ABCB1: variants seen among roughly 807,000 people sequenced by gnomAD.
ABCB1 encodes the protein ATP-dependent translocase ABCB1.
A neutral mutation model predicts 142.0 loss-of-function variants in ABCB1; 69 were observed. The observed-to-expected ratio is 0.49, with a 90% CI of 0.40 to 0.59. ABCB1 has a LOEUF of 0.59. Ranked by LOEUF, ABCB1 falls within the 20% of genes least tolerant of loss-of-function variation. ABCB1 has a pLI of 0.00. For missense variants in ABCB1, 1,326 were observed against 1,554.7 expected, an observed-to-expected ratio of 0.85 and a Z score of 2.47; for synonymous variants, 532 against 539.2, an observed-to-expected ratio of 0.99 and a Z score of 0.18.
intron 3 of ABCB1, among the ~76,000 whole-genome samples, chr7:87,592,339 AAAG>A (rs1819031194): frequency 1.3e-5 from 2 of 152,208 alleles, no homozygotes; most frequent in African/African-American, 4.8e-5. Flanking sequence ...TCATAACTGG[AAAG>A]AAGGAGGAGG....
At chr7:87,694,971 G>C (rs762489806) in intron 1 of ABCB1, among the ~76,000 whole-genome samples, 1 of 152,094 alleles carries the variant, frequency 6.6e-6, no homozygotes, top group Non-Finnish European at 1.5e-5. Context: ...TAGTGAACTA[G>C]ACATTACATT....
chr7:87,608,777 T>A (rs1819749205), intron 1 of ABCB1, among the ~76,000 whole-genome samples: 1 of 152,226 alleles, frequency 6.6e-6, no homozygotes, highest in Non-Finnish European at 1.5e-5. Context: ...ACTCACTTAT[T>A]TCTTTAGAAC....
chr7:87,517,984 G>T (rs1181622401), intron 23 of ABCB1, among the ~76,000 whole-genome samples: 1 of 152,114 alleles, frequency 6.6e-6, no homozygotes, highest in South Asian at 2.1e-4. Flanking sequence ...TTGAAATATT[G>T]CTAAAAACTC....
At chr7:87,511,246 T>C (rs1814993759) in intron 25 of ABCB1, among the ~76,000 whole-genome samples, 2 of 152,168 alleles carry the variant, frequency 1.3e-5, no homozygotes, top group Non-Finnish European at 2.9e-5. Flanking sequence ...AGAGCTTCTT[T>C]GGCTGAGGAA....
rs761144202 is a variant in ABCB1 at position 87,561,245 on chromosome 7, TA to T, written c.827+17del. ...ACAGAATTTAACATATCTATCCATT[TA>T]AAAAAGAAACTCAAACCTTTCAAGT... is the stretch of plus-strand genomic sequence containing the variant. On this transcript the variant is annotated intron_variant, in intron 8 of 27. Coordinates refer to ENST00000622132, the MANE Select transcript of ABCB1 (RefSeq NM_001348946.2). The T allele has an allele frequency of 6.2e-7, 1 of 1,613,408 alleles. No individual in the cohort carries two copies. Among genetic ancestry groups the T allele is most frequent in the Non-Finnish European group, 8.5e-7 (1 of 1,179,698 alleles).
chr7:87,523,500 A>G (rs1341043834), intron 21 of ABCB1, among the ~76,000 whole-genome samples: 1 of 152,116 alleles, frequency 6.6e-6, no homozygotes, highest in South Asian at 2.1e-4. Flanking sequence ...ATGGTGGCAC[A>G]TGCCTTAATC....
intron 4 of ABCB1, among the ~76,000 whole-genome samples, chr7:87,577,024 A>G (rs1818298100): frequency 6.6e-6 from 1 of 152,052 alleles, no homozygotes; most frequent in African/African-American, 2.4e-5. Context: ...AGCTAACTAT[A>G]TATTTTTGTA....
chr7:87,560,109 C>T (rs1206209157), intron 8 of ABCB1, among the ~76,000 whole-genome samples: 1 of 152,124 alleles, frequency 6.6e-6, no homozygotes, highest in Non-Finnish European at 1.5e-5. Context: ...TGTAACCTTA[C>T]CACCCCCATT....
intron 21 of ABCB1, among the ~76,000 whole-genome samples, chr7:87,530,826 AAAGCAAGAAAGC>A (rs1280486795): frequency 2.9e-3 from 215 of 74,204 alleles, no homozygotes; most frequent in African/African-American, 9.0e-3. Context: ...AGAAAGCAAG[AAAGCAAGAAAGC>A]AAGAAAGAAA....
At chr7:87,608,672 T>A (rs1819745757) in intron 1 of ABCB1, among the ~76,000 whole-genome samples, 1 of 152,222 alleles carries the variant, frequency 6.6e-6, no homozygotes, top group Non-Finnish European at 1.5e-5. Flanking sequence ...TTAGTTTTTT[T>A]TATCGTTTTA....
In ABCB1 at chr7:87,550,556, G is replaced by A. The variant is rs762322710; in HGVS notation, c.1136C>T (p.Ser379Leu). 8.7e-6 allele frequency: 14 copies of A among 1,613,240 alleles called. No individual in the cohort carries two copies. The highest frequency in any genetic ancestry group is 1.1e-5 in the South Asian group (1 of 91,066). Residue 379 changes from serine (S) to leucine (L), a missense_variant, in exon 11 of 28, where the codon TCG becomes TTG. Physicochemically the swap from Ser to Leu is moderately radical, Grantham distance 145. Transcript: ENST00000622132. ...ATTATCTGGTTTGTGCCCACTCTTC[G>A]AATAGCTGTCAATACTTGGCTTCTA... ...IDNKPSIDSY[S>L]KSGHKPDNIK... is the part of the protein sequence containing the mutation.
chr7:87,548,953 A>C (rs1179373197), intron 14 of ABCB1, among the ~76,000 whole-genome samples: 2 of 152,164 alleles, frequency 1.3e-5, no homozygotes, highest in Non-Finnish European at 2.9e-5. Flanking sequence ...ATGGACCTTC[A>C]GGTTGTATTT....
chr7:87,566,601 C>CAT (rs1817791471), intron 6 of ABCB1, among the ~76,000 whole-genome samples, 184 bp downstream of exon 6: 1 of 152,172 alleles, frequency 6.6e-6, no homozygotes, highest in African/African-American at 2.4e-5. Flanking sequence ...CAGGTCCCCC[C>CAT]ATACCCTGTC....
intron 20 of ABCB1, among the ~76,000 whole-genome samples, chr7:87,533,092 T>C (rs984413629): frequency 2.6e-5 from 4 of 152,120 alleles, no homozygotes; most frequent in Non-Finnish European, 4.4e-5. Flanking sequence ...ATTGAGCTTA[T>C]ATTAAAGGGA....
intron 21 of ABCB1, among the ~76,000 whole-genome samples, chr7:87,528,720 A>G (rs1479686761): frequency 6.6e-6 from 1 of 152,224 alleles, no homozygotes; most frequent in Non-Finnish European, 1.5e-5. Context: ...CAATAAACAA[A>G]TGGTACACCA....
chr7:87,656,404 G>A (rs1824110188), intron 1 of ABCB1, among the ~76,000 whole-genome samples: 1 of 152,092 alleles, frequency 6.6e-6, no homozygotes, highest in Non-Finnish European at 1.5e-5. Context: ...GGTTGGTTGT[G>A]GGTAGGAGAA....
chr7:87,504,906 C>T (rs1026269949), intron 27 of ABCB1, among the ~76,000 whole-genome samples: 2 of 151,516 alleles, frequency 1.3e-5, no homozygotes, highest in African/African-American at 4.8e-5. Flanking sequence ...AAGGATTTGT[C>T]ATATCAGATG....
chr7:87,585,371 T>C, intron 4 of ABCB1, 141 bp downstream of exon 4: 1 of 803,734 alleles, frequency 1.2e-6, no homozygotes, highest in Non-Finnish European at 2.0e-6. Flanking sequence ...TCACTACAAA[T>C]ATGAATTATA....
intron 14 of ABCB1, among the ~76,000 whole-genome samples, chr7:87,547,107 C>G (rs1319705631): frequency 6.6e-6 from 1 of 152,166 alleles, no homozygotes; most frequent in Non-Finnish European, 1.5e-5. Context: ...TTGTAACTTT[C>G]CCAATGCTCA....
Sources: allele counts gnomAD v4.1 joint callset (sites outside exome capture counted in the v4.1 genomes callset), GRCh38; gene constraint gnomAD v4.1.1; transcripts MANE v1.5; gene names NCBI Gene and HGNC (gene_info 2026-07-23, HGNC 2026-07-21).